URB1: variants seen among roughly 807,000 people sequenced by gnomAD.
URB1 encodes the protein URB1 ribosome biogenesis factor.
A neutral mutation model predicts 242.3 loss-of-function variants in URB1; 197 were observed. That is an observed-to-expected ratio of 0.81 (90% CI 0.72 to 0.91). The LOEUF (loss-of-function observed/expected upper bound fraction) is 0.91. URB1 is among the 40% of genes least tolerant of loss of function. The probability of loss-of-function intolerance (pLI) is 0.00; values close to 1 mark genes in which losing one functional copy is unlikely to be tolerated. For missense variants in URB1, 2,721 were observed against 2,860.5 expected (o/e 0.95, Z 1.11); for synonymous variants, 1,153 against 1,201.8 (o/e 0.96, Z 0.84).
At position 32,391,206 on chromosome 21, in the gene URB1, G is replaced by A. The variant is rs1256776772; in HGVS notation, c.142+1563C>T. On this transcript the variant is annotated intron_variant, in intron 1 of 38. Transcript: ENST00000382751. The stretch of plus-strand genomic sequence containing the variant: ...CACAGGAAGGGGAACATCACACACC[G>A]GGGCCTGTTGTCGGGTCGGGGGGAG... Among the ~76,000 whole-genome samples the A allele has an allele frequency of 3.0e-4, 45 of 150,380 alleles. 1 individual carries two copies. Among genetic ancestry groups the A allele is most frequent in the Non-Finnish European group, 1.2e-4 (8 of 67,552 alleles).
chr21:32,327,211 ACCAGTGATTT>A (rs957201238), intron 30 of URB1, among the ~76,000 whole-genome samples: 6 of 152,188 alleles, frequency 3.9e-5, no homozygotes, highest in Non-Finnish European at 8.8e-5. Flanking sequence ...ATTGTTTGAC[ACCAGTGATTT>A]AAAAAAAATC....
intron 1 of URB1, among the ~76,000 whole-genome samples, chr21:32,391,730 A>G (rs1444991552): frequency 6.6e-6 from 1 of 152,130 alleles, no homozygotes; most frequent in East Asian, 1.9e-4. Flanking sequence ...GTTTAAAAAC[A>G]GGCCAGGTGT....
intron 4 of URB1, 24 bp downstream of exon 4, chr21:32,383,398 C>T: frequency 6.5e-7 from 1 of 1,544,662 alleles, no homozygotes; most frequent in Non-Finnish European, 8.7e-7. Context: ...CCATGGAAGG[C>T]ACGAGACACT....
intron 35 of URB1, 131 bp downstream of exon 35, chr21:32,320,400 G>A (rs1031520912): frequency 1.6e-5 from 11 of 694,440 alleles, no homozygotes; most frequent in Non-Finnish European, 2.6e-5. Context: ...TAGCATTGGA[G>A]GACACTGCAT....
chr21:32,392,726 C>A, intron 1 of URB1, 43 bp downstream of exon 1: 1 of 1,377,778 alleles, frequency 7.3e-7, no homozygotes, highest in South Asian at 1.6e-5. Flanking sequence ...GGCCGCCTCG[C>A]CAGCCTGTGC....
At position 32,338,857 on chromosome 21, in the gene URB1, C is replaced by A. The variant is rs766091348; in HGVS notation, c.4360G>T (p.Ala1454Ser). ...TCTGGGCTGTACAGGAGCTGTACGGCGGTGAGGAGCATCTTTAAAAATGTG... is the reference window on the plus strand; with the variant it reads ...TCTGGGCTGTACAGGAGCTGTACGGAGGTGAGGAGCATCTTTAAAAATGTG... ...DHTFLKMLLT[A>S]VQLLYSPESS... The change falls in exon 26 of 39, where the codon GCC becomes TCC. Residue 1454 changes from alanine (A) to serine (S), a missense_variant. Ala to Ser is a moderately conservative substitution (Grantham distance 99). Transcript: ENST00000382751. 1 of 1,550,670 alleles carries A rather than the reference C, an allele frequency of 6.4e-7. No individual in the cohort carries two copies. The highest frequency in any genetic ancestry group is 1.2e-5 in the South Asian group (1 of 84,026).
At chr21:32,349,704 A>G (rs1248654623) in intron 20 of URB1, among the ~76,000 whole-genome samples, 2 of 152,264 alleles carry the variant, frequency 1.3e-5, no homozygotes, top group Non-Finnish European at 2.9e-5. Context: ...TGTTTTGACT[A>G]AACTGAAAGG....
chr21:32,381,241 C>T (rs2033521304), intron 4 of URB1, among the ~76,000 whole-genome samples: 1 of 152,188 alleles, frequency 6.6e-6, no homozygotes, highest in South Asian at 2.1e-4. Context: ...AGGAAGAAAA[C>T]GTCCTGAACT....
At position 32,316,807 on chromosome 21, in the gene URB1, G is replaced by A. The variant is rs1370116497; in HGVS notation, c.6293C>T (p.Ser2098Phe). The A allele has an allele frequency of 6.5e-7, 1 of 1,547,280 alleles. No homozygotes were observed. Residue 2098 changes from serine (S) to phenylalanine (F), a missense_variant, in exon 38 of 39, where the codon TCC becomes TTC. Coordinates refer to ENST00000382751, the MANE Select transcript of URB1 (RefSeq NM_014825.3). ...DAPGPVYAAA[S>F]LAVSWVLRSV... ...CCGCAGCACCCAACTGACTGCCAGG[G>A]AAGCGGCAGCATATACGGGGCCTGG...
Position 32,350,941 on chromosome 21 carries a change from G to C in URB1, c.2614-19C>G, listed in dbSNP as rs1417159272. On this transcript the variant is annotated intron_variant, in intron 19 of 38. Coordinates refer to ENST00000382751, the MANE Select transcript of URB1 (RefSeq NM_014825.3). ...GCAGCAGCTGAGGGAGACAGCAAAA[G>C]GCCGGGGAAGAGAAAGACACATCAC... 5 of 1,536,864 alleles carry C rather than the reference G, an allele frequency of 3.3e-6. No individual in the cohort carries two copies. Among genetic ancestry groups the C allele is most frequent in the Middle Eastern group, 2.2e-4 (1 of 4,558 alleles).
At position 32,337,074 on chromosome 21, in the gene URB1, A is replaced by G; in HGVS notation, c.4685+20T>C. 1 of 1,550,602 alleles carries G rather than the reference A, an allele frequency of 6.4e-7. No homozygotes were observed. Among genetic ancestry groups the G allele is most frequent in the Non-Finnish European group, 8.7e-7 (1 of 1,145,946 alleles). On this transcript the variant is annotated intron_variant, in intron 28 of 38. Coordinates refer to ENST00000382751, the MANE Select transcript of URB1 (RefSeq NM_014825.3). ...AGGCTGTGACCTCAAGGCCTAGTCTACCTCTAGCCCAACACTCACCTGAAG... is the reference window on the plus strand; with the variant it reads ...AGGCTGTGACCTCAAGGCCTAGTCTGCCTCTAGCCCAACACTCACCTGAAG...
rs1254671669 is a variant in URB1 at position 32,354,896 on chromosome 21, T to C, written c.2208A>G (p.Glu736=). 1 of 1,552,306 alleles carries C rather than the reference T, an allele frequency of 6.4e-7. No homozygotes were observed. The highest frequency in any genetic ancestry group is 8.7e-7 in the Non-Finnish European group (1 of 1,147,158). ...SMLQATMTKQ[E]ADDMSIPISH... is the part of the protein sequence containing the mutation. ...AGATGGGAATGCTCATGTCATCGGCTTCTTGCTTCGTCATAGTGGCCTGCA... is the reference window on the plus strand; with the variant it reads ...AGATGGGAATGCTCATGTCATCGGCCTCTTGCTTCGTCATAGTGGCCTGCA... The change falls in exon 17 of 39, where the codon GAA becomes GAG. Residue 736 remains glutamate, a synonymous_variant. Coordinates refer to ENST00000382751, the MANE Select transcript of URB1 (RefSeq NM_014825.3).
At chr21:32,390,342 A>G (rs2033624403) in intron 1 of URB1, among the ~76,000 whole-genome samples, 1 of 152,142 alleles carries the variant, frequency 6.6e-6, no homozygotes, top group African/African-American at 2.4e-5. Context: ...CCATCCTACA[A>G]TCCTTTTGAA....
At position 32,320,581 on chromosome 21, in the gene URB1, G is replaced by A. The variant is rs1409346941; in HGVS notation, c.5544C>T (p.Ile1848=). The change falls in exon 35 of 39, where the codon ATC becomes ATT. Residue 1848 remains isoleucine, a synonymous_variant. Coordinates refer to ENST00000382751, the MANE Select transcript of URB1 (RefSeq NM_014825.3). The part of the protein sequence containing the change: ...AAQVARSAYE[I]IRDYSLLTWI... ...ATGTTAAAAGGCTATAGTCTCGTAT[G>A]ATTTCATACGCAGATCTGGCAACCT... is the stretch of plus-strand genomic sequence containing the variant. 2 of 1,551,940 alleles carry A rather than the reference G, an allele frequency of 1.3e-6. No homozygotes were observed. Among genetic ancestry groups the A allele is most frequent in the Non-Finnish European group, 1.7e-6 (2 of 1,147,038 alleles).
At chr21:32,361,520 A>G (rs921894599) in intron 12 of URB1, among the ~76,000 whole-genome samples, 3 of 152,178 alleles carry the variant, frequency 2.0e-5, no homozygotes, top group Admixed American at 6.5e-5. Flanking sequence ...AATACGATAC[A>G]GACATAAGAC....
At position 32,385,700 on chromosome 21, in the gene URB1, T is replaced by C. The variant is rs1383333534; in HGVS notation, c.143-16A>G. The C allele has an allele frequency of 1.3e-6, 2 of 1,549,860 alleles. No homozygotes were observed. The highest frequency in any genetic ancestry group is 2.4e-5 in the East Asian group (1 of 40,928). On this transcript the variant is annotated splice_polypyrimidine_tract_variant and intron_variant, in intron 1 of 38. Coordinates refer to ENST00000382751, the MANE Select transcript of URB1 (RefSeq NM_014825.3). ...GCTTCCAAGCCTGAAAAAAAAGTTA[T>C]GTTCAAACATTAACAAGGTCAGTCT...
chr21:32,352,004 T>C (rs2033163783), intron 19 of URB1, among the ~76,000 whole-genome samples: 1 of 152,088 alleles, frequency 6.6e-6, no homozygotes, highest in Non-Finnish European at 1.5e-5. Flanking sequence ...AAAATACACA[T>C]AGTACACTTA....
rs1046187353 is a variant in URB1 at position 32,392,897 on chromosome 21, T to C, written c.14A>G (p.Lys5Arg). Reference sequence around the variant, plus strand: ...GTCCTGGCCGCCCGAGGCCTTCCTCTTGGGGACCCCCATGGCCGAGAGGGC... The same window carrying C: ...GTCCTGGCCGCCCGAGGCCTTCCTCCTGGGGACCCCCATGGCCGAGAGGGC... MGVP[K>R]RKASGGQDGA... Residue 5 changes from lysine (K) to arginine (R), a missense_variant, in exon 1 of 39, where the codon AAG (lysine) becomes AGG (arginine). Physicochemically the swap from Lys to Arg is conservative, Grantham distance 26 (BLOSUM62 2). Coordinates refer to ENST00000382751, the MANE Select transcript of URB1 (RefSeq NM_014825.3). The C allele has an allele frequency of 9.2e-6, 14 of 1,523,938 alleles. No individual in the cohort carries two copies. Among genetic ancestry groups the C allele is most frequent in the African/African-American group, 2.8e-5 (2 of 71,996 alleles). 94.4% of individuals were successfully genotyped at this position (1,523,938 alleles called of 1,614,324 possible). A position where few individuals can be genotyped will look rare whatever the true frequency, so the allele number is the denominator to read the frequency against.
In URB1 at chr21:32,316,623, A is replaced by G. The variant is rs1254010596; in HGVS notation, c.6477T>C (p.Ala2159=). The part of the protein sequence containing the change: ...IFRLYSRLCG[A]EGLAGPVQEV... ...CCTGCACAGGCCCTGCCAGCCCCTC[A>G]GCCCCACAGAGCCGGCTATACAGCC... is the stretch of plus-strand genomic sequence containing the variant. Residue 2159 remains alanine (A), a synonymous_variant, in exon 38 of 39, where the codon GCT becomes GCC. Transcript: ENST00000382751. 1 of 1,551,588 alleles carries G rather than the reference A, an allele frequency of 6.4e-7. No individual in the cohort carries two copies. Among genetic ancestry groups the G allele is most frequent in the Non-Finnish European group, 8.7e-7 (1 of 1,146,984 alleles).
Sources: gnomAD v4.1 joint callset for allele counts (sites outside exome capture counted in the v4.1 genomes callset) on GRCh38, gnomAD v4.1.1 for gene constraint, MANE v1.5 for transcripts, NCBI Gene and HGNC (gene_info 2026-07-23, HGNC 2026-07-21) for gene names.